WDR49: variants seen among roughly 807,000 people sequenced by gnomAD.
The protein encoded by WDR49 is cilia- and flagella-associated protein 337.
WDR49 carries 107 observed loss-of-function variants against 119.5 expected under a neutral mutation model. The ratio of observed to expected loss-of-function variants is 0.90; its 90% CI spans 0.77 to 1.05. WDR49 has a LOEUF of 1.05. WDR49 is among the 50% of genes least tolerant of loss of function. The pLI, the probability that WDR49 is intolerant of heterozygous loss-of-function variation, is 0.00. For missense variants in WDR49, 1,240 were observed against 1,220.5 expected (o/e 1.02, Z -0.24); for synonymous variants, 425 against 418.8 (o/e 1.01, Z -0.18).
chr3:167,522,564 G>C, intron 15 of WDR49, 80 bp from the exon 16 acceptor site: 1 of 1,430,190 alleles, frequency 7.0e-7, no homozygotes, highest in Non-Finnish European at 9.3e-7. Flanking sequence ...CCATGTGCTG[G>C]ATTACTAATT....
At chr3:167,487,858 T>A (rs766672253) in intron 18 of WDR49, among the ~76,000 whole-genome samples, 1 of 151,986 alleles carries the variant, frequency 6.6e-6, no homozygotes, top group Non-Finnish European at 1.5e-5. Context: ...ATGGCTATTA[T>A]TAAGTCAAAA....
chr3:167,574,339 T>C (rs1714118583), intron 8 of WDR49, among the ~76,000 whole-genome samples: 1 of 152,226 alleles, frequency 6.6e-6, no homozygotes, highest in South Asian at 2.1e-4. Context: ...CACTGACTGA[T>C]GGGAATGTGA....
At chr3:167,638,814 G>A (rs922958021) in intron 2 of WDR49, among the ~76,000 whole-genome samples, 4 of 151,502 alleles carry the variant, frequency 2.6e-5, no homozygotes, top group Admixed American at 2.0e-4. Context: ...TAAAGTTAAA[G>A]TTTTGTAACT....
chr3:167,636,337 G>A (rs548176763), intron 2 of WDR49, among the ~76,000 whole-genome samples: 4 of 150,896 alleles, frequency 2.7e-5, no homozygotes, highest in Non-Finnish European at 4.4e-5. Flanking sequence ...GTATATATAC[G>A]TATATATATG....
chr3:167,649,790 C>G (rs1190435283), intron 2 of WDR49, among the ~76,000 whole-genome samples: 1 of 152,154 alleles, frequency 6.6e-6, no homozygotes, highest in East Asian at 1.9e-4. Context: ...CATGTGGCTT[C>G]TAGGTATAGT....
At chr3:167,570,348 G>A (rs1713862995) in intron 8 of WDR49, among the ~76,000 whole-genome samples, 1 of 152,146 alleles carries the variant, frequency 6.6e-6, no homozygotes, top group Non-Finnish European at 1.5e-5. Flanking sequence ...ACCACCAATT[G>A]AATTGTTTGG....
At chr3:167,639,613 T>C (rs1007213343) in intron 2 of WDR49, among the ~76,000 whole-genome samples, 12 of 151,828 alleles carry the variant, frequency 7.9e-5, no homozygotes, top group African/African-American at 2.2e-4. Flanking sequence ...TAAAGCTTTA[T>C]AATGATATAC....
At chr3:167,654,879 A>G (rs1219157564), upstream of WDR49, among the ~76,000 whole-genome samples, 1 of 151,982 alleles carries the variant, frequency 6.6e-6, no homozygotes, top group Non-Finnish European at 1.5e-5. Context: ...AGCCTGGGCA[A>G]CAGAATGAGA....
At chr3:167,507,662 C>T (rs1008755214) in intron 16 of WDR49, among the ~76,000 whole-genome samples, 4 of 152,142 alleles carry the variant, frequency 2.6e-5, no homozygotes, top group African/African-American at 9.7e-5. Flanking sequence ...AGACCATATG[C>T]TTTCTGACTA....
intron 8 of WDR49, among the ~76,000 whole-genome samples, chr3:167,566,302 A>G (rs761114490): frequency 1.3e-5 from 2 of 152,238 alleles, no homozygotes; most frequent in African/African-American, 2.4e-5. Flanking sequence ...AAACTGCTAC[A>G]TTATTTGTAA....
At chr3:167,615,980 C>T (rs2108317517) in intron 5 of WDR49, among the ~76,000 whole-genome samples, 1 of 152,298 alleles carries the variant, frequency 6.6e-6, no homozygotes, top group African/African-American at 2.4e-5. Flanking sequence ...TCAAAGTGAA[C>T]ATGATAATAA....
chr3:167,653,094 G>T (rs1346272453), intron 2 of WDR49, among the ~76,000 whole-genome samples, 167 bp downstream of exon 2: 1 of 152,168 alleles, frequency 6.6e-6, no homozygotes, highest in Non-Finnish European at 1.5e-5. Context: ...GAGGGGCAAA[G>T]CTACCAAGCA....
chr3:167,523,289 T>A (rs1300412920), intron 15 of WDR49, among the ~76,000 whole-genome samples: 4 of 151,906 alleles, frequency 2.6e-5, no homozygotes, highest in Non-Finnish European at 5.9e-5. Context: ...CCCTCAGTTT[T>A]TAAGGCAATA....
Position 167,483,368 on chromosome 3 carries a change from A to C in WDR49, c.3032-4372T>G, listed in dbSNP as rs547845265. ...CTGTTTTATTGAGATTTGTCTCTCA[A>C]CTAGACGACAAATTTTCATTGTAAT... On this transcript the variant is annotated intron_variant, in intron 18 of 18. Coordinates refer to ENST00000682715, the MANE Select transcript of WDR49 (RefSeq NM_001366157.1). 4.6e-5 allele frequency among the ~76,000 whole-genome samples: 7 copies of C among 152,312 alleles called. No individual in the cohort carries two copies. In the South Asian group the frequency reaches 1.0e-3, roughly 23 times the overall value.
chr3:167,490,171 T>A (rs1751077679), intron 18 of WDR49, among the ~76,000 whole-genome samples: 1 of 152,168 alleles, frequency 6.6e-6, no homozygotes, highest in African/African-American at 2.4e-5. Flanking sequence ...AGAGTGGTGA[T>A]GATTAATCAA....
chr3:167,551,304 C>A (rs1317182748), intron 10 of WDR49, among the ~76,000 whole-genome samples: 1 of 151,776 alleles, frequency 6.6e-6, no homozygotes, highest in Non-Finnish European at 1.5e-5. Flanking sequence ...GGCTTTCAAC[C>A]TAGGTGCAAT....
intron 8 of WDR49, among the ~76,000 whole-genome samples, chr3:167,571,220 T>C (rs1713919407): frequency 6.6e-6 from 1 of 152,072 alleles, no homozygotes; most frequent in African/African-American, 2.4e-5. Flanking sequence ...GGGTCTAGTA[T>C]TCAAATTTGC....
At chr3:167,486,478 A>G (rs1222037230) in intron 18 of WDR49, among the ~76,000 whole-genome samples, 1 of 152,174 alleles carries the variant, frequency 6.6e-6, no homozygotes, top group Non-Finnish European at 1.5e-5. Context: ...TACAAAAAAA[A>G]GACCCAACCA....
intron 7 of WDR49, among the ~76,000 whole-genome samples, chr3:167,595,397 G>A (rs189427445): frequency 6.6e-6 from 1 of 152,162 alleles, no homozygotes; most frequent in Admixed American, 6.6e-5. Context: ...CCAAAAAAGA[G>A]CCCGCATTGC....
Sources: gnomAD v4.1 joint callset for allele counts (sites outside exome capture counted in the v4.1 genomes callset) on GRCh38, gnomAD v4.1.1 for gene constraint, MANE v1.5 for transcripts, NCBI Gene and HGNC (gene_info 2026-07-23, HGNC 2026-07-21) for gene names.